The following SMAP2 variants were observed in gnomAD, a reference collection of about 807,000 sequenced individuals.
The protein encoded by SMAP2 is small ArfGAP2.
Under a neutral mutation model 56.4 loss-of-function variants are expected in SMAP2, and 25 were observed. That is an observed-to-expected ratio of 0.44 (90% confidence interval 0.32 to 0.62). SMAP2 has a LOEUF of 0.62. Among genes scored for constraint, SMAP2 ranks in the 20% least tolerant of loss-of-function variants. The pLI, the probability that SMAP2 is intolerant of heterozygous loss-of-function variation, is 0.04. For missense variants in SMAP2, 388 were observed against 545.6 expected, an observed-to-expected ratio of 0.71 and a Z score of 2.88; for synonymous variants, 157 against 181.7, an observed-to-expected ratio of 0.86 and a Z score of 1.09.
chr1:40,403,689 T>C, intron 1 of SMAP2: 1 of 975,772 alleles, frequency 1.0e-6, no homozygotes. Flanking sequence ...TCTAGGGCAC[T>C]GTGAGGTGAA....
Position 40,346,375 on chromosome 1 carries a change from A to AT in SMAP2, c.-83+1477dup, listed in dbSNP as rs879435538. Among the ~76,000 whole-genome samples, 115 of 147,110 alleles carry AT rather than the reference A, an allele frequency of 7.8e-4. 1 individual carries two copies. The highest frequency in any genetic ancestry group is 1.7e-3 in the South Asian group (8 of 4,660). On this transcript the variant is annotated intron_variant, in intron 1 of 6. Transcript: ENST00000435168. ...ATAGGTTCTCAAAGACAAGAATAGG[A>AT]TTTTTTTTTTTTGAAACAAAGTCTA...
chr1:40,413,992 T>A, intron 5 of SMAP2, 167 bp from the exon 6 acceptor site: 1 of 613,792 alleles, frequency 1.6e-6, no homozygotes, highest in Admixed American at 2.9e-5. Flanking sequence ...CACTTCTGCC[T>A]CCTGACTTGA....
At chr1:40,371,286 A>C (rs1473646889), upstream of SMAP2, among the ~76,000 whole-genome samples, 1 of 146,860 alleles carries the variant, frequency 6.8e-6, no homozygotes, top group Non-Finnish European at 1.5e-5. Context: ...TCAAGACTTC[A>C]AAAAAAAAAA....
intron 9 of SMAP2, among the ~76,000 whole-genome samples, chr1:40,421,511 T>TC (rs34984869): frequency 3.3e-5 from 5 of 151,998 alleles, no homozygotes; most frequent in Non-Finnish European, 7.4e-5. Context: ...TTCCTTTTTT[T>TC]CCCCCTTGTG....
intron 1 of SMAP2, among the ~76,000 whole-genome samples, chr1:40,348,681 CA>C (rs56924224): frequency 0.077 from 11,384 of 147,824 alleles, 1,451 homozygotes; most frequent in African/African-American, 0.27. Context: ...TGTCCCCCCT[CA>C]AAAAAAAAAT....
chr1:40,415,290 C>G lies in SMAP2; in HGVS notation c.590C>G (p.Ser197Cys). 1.2e-6 allele frequency: 2 copies of G among 1,613,792 alleles called. No homozygotes were observed. The highest frequency in any genetic ancestry group is 1.7e-6 in the Non-Finnish European group (2 of 1,179,694). The stretch of plus-strand genomic sequence containing the variant: ...TTTCTAGATGCTCCTGTGGCCTGCT[C>G]CATTGCAAATAGTAAGACCAGCAAT... ...LLGLDAPVAC[S>C]IANSKTSNTL... The change falls in exon 7 of 10, where the codon TCC becomes TGC. Residue 197 changes from serine to cysteine, a missense_variant. Physicochemically the swap from Ser to Cys is moderately radical, Grantham distance 112. Transcript: ENST00000372718.
intron 1 of SMAP2, among the ~76,000 whole-genome samples, chr1:40,381,660 G>A (rs775704515): frequency 2.0e-5 from 3 of 152,154 alleles, no homozygotes; most frequent in Non-Finnish European, 4.4e-5. Context: ...CCTGAGCTCT[G>A]TGGTTGACTT....
At chr1:40,353,811 G>T (rs1644421043) in intron 1 of SMAP2, among the ~76,000 whole-genome samples, 1 of 151,318 alleles carries the variant, frequency 6.6e-6, no homozygotes, top group African/African-American at 2.4e-5. Flanking sequence ...GGGTGGTCTT[G>T]AACATCTGAC....
At chr1:40,350,948 A>G (rs1478444534) in intron 1 of SMAP2, among the ~76,000 whole-genome samples, 1 of 152,208 alleles carries the variant, frequency 6.6e-6, no homozygotes, top group Non-Finnish European at 1.5e-5. Flanking sequence ...ACTCATTACA[A>G]ATAATAATTG....
At chr1:40,372,328 G>C (rs1644501576), upstream of SMAP2, among the ~76,000 whole-genome samples, 1 of 152,090 alleles carries the variant, frequency 6.6e-6, no homozygotes, top group African/African-American at 2.4e-5. Flanking sequence ...GGGGTTGGAG[G>C]GGTGGTTCTT....
chr1:40,395,577 T>TACAAAAGTTAATTGCCTTCA (rs56320868), intron 1 of SMAP2, among the ~76,000 whole-genome samples: 1 of 152,024 alleles, frequency 6.6e-6, no homozygotes. Flanking sequence ...GAGCCAAATT[T>TACAAAAGTTAATTGCCTTCA]ACCTTTCCAG....
intron 7 of SMAP2, 110 bp from the exon 8 acceptor site, chr1:40,416,065 AG>A: frequency 1.0e-6 from 1 of 998,138 alleles, no homozygotes; most frequent in Non-Finnish European, 1.5e-6. Context: ...TATTAACTTG[AG>A]CCATGAATTC....
chr1:40,388,749 C>T (rs1297962935), intron 1 of SMAP2, among the ~76,000 whole-genome samples: 1 of 152,196 alleles, frequency 6.6e-6, no homozygotes, highest in African/African-American at 2.4e-5. Flanking sequence ...GCAGCCTGTT[C>T]GGGTCCTCTT....
intron 1 of SMAP2, among the ~76,000 whole-genome samples, chr1:40,377,103 T>C (rs1271994516): frequency 6.6e-6 from 1 of 151,898 alleles, no homozygotes; most frequent in Non-Finnish European, 1.5e-5. Context: ...CTGGGCAACA[T>C]AGTGTGACCT....
intron 1 of SMAP2, among the ~76,000 whole-genome samples, chr1:40,345,403 G>A (rs1455281404): frequency 6.7e-6 from 1 of 149,866 alleles, no homozygotes; most frequent in East Asian, 1.9e-4. Flanking sequence ...AAAAAAAAAA[G>A]TAAACAGCAT....
In SMAP2 at chr1:40,416,168, G is replaced by C; in HGVS notation, c.682-8G>C. On this transcript the variant is annotated splice_polypyrimidine_tract_variant and splice_region_variant and intron_variant, in intron 7 of 9. Coordinates refer to ENST00000372718, the MANE Select transcript of SMAP2 (RefSeq NM_022733.3). ...TTTCAATTCTCCCCCCGCCCTCTTT[G>C]CCCTAAGGTTGTAGGTTCCATGCCA... 2 of 1,611,970 alleles carry C rather than the reference G, an allele frequency of 1.2e-6. No homozygotes were observed. Among genetic ancestry groups the C allele is most frequent in the Non-Finnish European group, 1.7e-6 (2 of 1,179,044 alleles).
At chr1:40,373,394 G>A (rs1644510580), upstream of SMAP2, among the ~76,000 whole-genome samples, 1 of 152,220 alleles carries the variant, frequency 6.6e-6, no homozygotes, top group African/African-American at 2.4e-5. Flanking sequence ...TCGTTGTGAG[G>A]ATTATGTTGG....
chr1:40,407,580 A>G (rs1644897592), intron 2 of SMAP2, among the ~76,000 whole-genome samples: 1 of 152,224 alleles, frequency 6.6e-6, no homozygotes, highest in Non-Finnish European at 1.5e-5. Flanking sequence ...GCATACATGA[A>G]TCTTTTTTTT....
chr1:40,355,686 G>A (rs887111679), intron 1 of SMAP2, among the ~76,000 whole-genome samples: 1 of 151,972 alleles, frequency 6.6e-6, no homozygotes, highest in East Asian at 1.9e-4. Flanking sequence ...CAGTGGCACC[G>A]GTCAGGGCTC....
Sources: gnomAD v4.1 joint callset for allele counts (sites outside exome capture counted in the v4.1 genomes callset) on GRCh38, gnomAD v4.1.1 for gene constraint, MANE v1.5 for transcripts, NCBI Gene and HGNC (gene_info 2026-07-23, HGNC 2026-07-21) for gene names.